Variants in RBM33 observed in about 807,000 individuals in gnomAD.
RBM33 encodes RNA-binding protein 33.
In RBM33, 28 loss-of-function variants were observed where a neutral mutation model predicts 132.6. That is an observed-to-expected ratio of 0.21 (90% CI 0.16 to 0.29). The LOEUF (loss-of-function observed/expected upper bound fraction) is 0.29, where lower values mean the gene tolerates loss of function less well. RBM33 is among the 10% of genes least tolerant of loss of function. RBM33 has a pLI of 1.00. For synonymous variants in RBM33, 634 were observed against 593.0 expected, an observed-to-expected ratio of 1.07 and a Z score of -1.01; for missense variants, 1,291 against 1,518.5, an observed-to-expected ratio of 0.85 and a Z score of 2.49.
chr7:155,651,929 A>C (rs1367568083), intron 1 of RBM33, among the ~76,000 whole-genome samples: 1 of 152,220 alleles, frequency 6.6e-6, no homozygotes, highest in Non-Finnish European at 1.5e-5. Context: ...GAGATTTTTA[A>C]AACAGTGACT....
intron 1 of RBM33, among the ~76,000 whole-genome samples, chr7:155,651,138 A>G (rs932997054): frequency 1.3e-5 from 2 of 152,192 alleles, no homozygotes; most frequent in African/African-American, 4.8e-5. Context: ...TCGGCCTCCC[A>G]AAGTGCTAGG....
At position 155,742,080 on chromosome 7, in the gene RBM33, A is replaced by G. The variant is rs760862045; in HGVS notation, c.2311A>G (p.Lys771Glu). Residue 771 changes from lysine (K) to glutamate (E), a missense_variant, in exon 13 of 18, where the codon AAA becomes GAA. Transcript: ENST00000401878. The part of the protein sequence containing the change: ...VKPASPVAQP[K>E]EEAKTETEFP... ...GCCAGCTAGCCCTGTGGCTCAACCTAAAGAAGAGGCAAAAACAGAAACAGA... is the reference window on the plus strand; with the variant it reads ...GCCAGCTAGCCCTGTGGCTCAACCTGAAGAAGAGGCAAAAACAGAAACAGA... 5.3e-5 allele frequency: 86 copies of G among 1,613,470 alleles called. No homozygotes were observed. The highest frequency in any genetic ancestry group is 6.9e-5 in the Non-Finnish European group (81 of 1,179,584).
At chr7:155,659,263 A>G (rs1003232672) in intron 1 of RBM33, among the ~76,000 whole-genome samples, 1 of 152,240 alleles carries the variant, frequency 6.6e-6, no homozygotes, top group Non-Finnish European at 1.5e-5. Context: ...AATAGAAACC[A>G]CAAGGATACC....
intron 4 of RBM33, among the ~76,000 whole-genome samples, chr7:155,679,186 A>C (rs895611297): frequency 6.6e-6 from 1 of 152,040 alleles, no homozygotes; most frequent in African/African-American, 2.4e-5. Flanking sequence ...AAAAAAAAAC[A>C]AAAAACAAAA....
In RBM33 at chr7:155,711,272, C is replaced by T. The variant is rs1183169907; in HGVS notation, c.1018C>T (p.Pro340Ser). ...QPIRSLFQPQ[P>S]LQPLLPVQHP... is the part of the protein sequence containing the mutation. ...GATCAGAAGCCTGTTCCAGCCGCAG[C>T]CGCTGCAGCCGCTGCTTCCGGTGCA... Residue 340 changes from proline to serine, a missense_variant, in exon 8 of 18, where the codon CCG becomes TCG. Physicochemically the swap from Pro to Ser is moderately conservative, Grantham distance 74. Around this residue, in one of 7 missense-constraint regions of RBM33, gnomAD observed 146 missense variants for 137.1 expected, o/e 1.07. Transcript: ENST00000401878. The T allele has an allele frequency of 1.2e-6, 2 of 1,603,612 alleles. No homozygotes were observed. Among genetic ancestry groups the T allele is most frequent in the Non-Finnish European group, 1.7e-6 (2 of 1,175,588 alleles).
intron 8 of RBM33, among the ~76,000 whole-genome samples, chr7:155,716,549 C>G (rs1800469165): frequency 6.6e-6 from 1 of 151,890 alleles, no homozygotes; most frequent in Non-Finnish European, 1.5e-5. Context: ...CTAAGTGGTA[C>G]CTATGATCGA....
At chr7:155,706,590 A>G (rs933257894) in intron 6 of RBM33, among the ~76,000 whole-genome samples, 5 of 152,158 alleles carry the variant, frequency 3.3e-5, no homozygotes, top group African/African-American at 1.2e-4. Context: ...AGCACATATC[A>G]GTGGTCTCCG....
chr7:155,733,331 A>G lies in RBM33; in HGVS notation c.1261-4199A>G, dbSNP rs77538686. 1.5e-3 allele frequency among the ~76,000 whole-genome samples: 212 copies of G among 142,210 alleles called. 5 individuals carry two copies. In the East Asian group the frequency reaches 0.04, roughly 27 times the overall value. 93.3% of individuals were successfully genotyped at this position (142,210 alleles called of 152,430 possible). ...TATTATATGGGTTGAAACTCCCCCC[A>G]CTGCGTTTTTATTATGTCGTGAATA... On this transcript the variant is annotated intron_variant, in intron 9 of 17. Coordinates refer to ENST00000401878, the MANE Select transcript of RBM33 (RefSeq NM_053043.3).
Position 155,763,988 on chromosome 7 carries a change from A to G in RBM33, c.3156A>G (p.Lys1052=). The change falls in exon 15 of 18, where the codon AAA becomes AAG. Residue 1052 remains lysine (K), a synonymous_variant. Transcript: ENST00000401878. ...HAHSPVPPGI[K]SIQGIHPAKK... is the part of the protein sequence containing the mutation. Reference sequence around the variant, plus strand: ...ACTCGCCTGTCCCTCCAGGGATCAAAAGCATCCAAGGAATTCACCCGGCGA... The same window carrying G: ...ACTCGCCTGTCCCTCCAGGGATCAAGAGCATCCAAGGAATTCACCCGGCGA... 2 of 1,575,388 alleles carry G rather than the reference A, an allele frequency of 1.3e-6. No individual in the cohort carries two copies. Among genetic ancestry groups the G allele is most frequent in the Non-Finnish European group, 1.7e-6 (2 of 1,160,706 alleles).
intron 3 of RBM33, 56 bp from the exon 4 acceptor site, chr7:155,678,552 T>G: frequency 1.7e-6 from 2 of 1,164,842 alleles, no homozygotes; most frequent in South Asian, 2.8e-5. Context: ...TTGTGCTTTT[T>G]AACAAGTCTT....
intron 5 of RBM33, among the ~76,000 whole-genome samples, chr7:155,697,198 G>A (rs115597886): frequency 0.015 from 2,280 of 152,306 alleles, 54 homozygotes; most frequent in African/African-American, 0.052. Context: ...GGAGGAGGAG[G>A]AGGAGGAGTA....
intron 6 of RBM33, 160 bp downstream of exon 6, chr7:155,701,104 T>C: frequency 3.2e-6 from 2 of 632,360 alleles, no homozygotes; most frequent in Admixed American, 2.9e-5. Flanking sequence ...TTTATGGTAC[T>C]GTAAAACTCA....
intron 3 of RBM33, among the ~76,000 whole-genome samples, chr7:155,673,408 GT>G (rs1563137126): frequency 0.041 from 5,987 of 144,872 alleles, 472 homozygotes; most frequent in African/African-American, 0.14. Context: ...TATATTGTGT[GT>G]GTGTGTGTGT....
At chr7:155,673,940 G>GTTGTTGTTTTTTTTTTTTTTTTTTT in intron 3 of RBM33, among the ~76,000 whole-genome samples, 14 of 54,194 alleles carry the variant, frequency 2.6e-4, no homozygotes, top group African/African-American at 1.1e-3. Flanking sequence ...TTTAGGCTTA[G>GTTGTTGTTTTTTTTTTTTTTTTTTT]TTTTTTTTTT....
At chr7:155,756,965 A>G (rs1801872132) in intron 14 of RBM33, among the ~76,000 whole-genome samples, 1 of 152,186 alleles carries the variant, frequency 6.6e-6, no homozygotes, top group Non-Finnish European at 1.5e-5. Flanking sequence ...ACCAAGCTGT[A>G]TTAGATGCCA....
intron 1 of RBM33, among the ~76,000 whole-genome samples, chr7:155,648,981 G>T (rs755524696): frequency 6.6e-6 from 1 of 152,156 alleles, no homozygotes; most frequent in Non-Finnish European, 1.5e-5. Context: ...GTGTTTCTGT[G>T]TGGGTCTCCA....
chr7:155,779,718 TCA>T lies in RBM33; in HGVS notation c.*4682_*4683del, dbSNP rs1458872338. The stretch of plus-strand genomic sequence containing the variant: ...ATATGGCTGGAAAAGGCCGTTTGCC[TCA>T]CACATTGTAACCTGCCTTGGCTAGA... On this transcript the variant is annotated 3_prime_UTR_variant, in exon 18 of 18. Transcript: ENST00000401878. 6.6e-6 allele frequency: 1 copy of T among 152,244 alleles called. No individual in the cohort carries two copies. Among genetic ancestry groups the T allele is most frequent in the South Asian group, 2.1e-4 (1 of 4,836 alleles). The allele number at this position is 152,244 out of a possible 1,614,324, so 9.4% of individuals were successfully genotyped here.
At chr7:155,747,117 T>C (rs1707566284) in intron 14 of RBM33, among the ~76,000 whole-genome samples, 1 of 152,224 alleles carries the variant, frequency 6.6e-6, no homozygotes, top group Admixed American at 6.5e-5. Context: ...ATATGTAGAC[T>C]ATCCAGTAGG....
chr7:155,747,883 C>T (rs1801567849), intron 14 of RBM33, among the ~76,000 whole-genome samples: 2 of 152,182 alleles, frequency 1.3e-5, no homozygotes, highest in African/African-American at 4.8e-5. Flanking sequence ...TGGGTGAGGA[C>T]TATTTTTGAG....
Sources: gnomAD v4.1 joint callset for allele counts (sites outside exome capture counted in the v4.1 genomes callset) on GRCh38, gnomAD v4.1.1 for gene constraint, gnomAD v4.1.1 regional missense constraint, MANE v1.5 for transcripts, NCBI Gene and HGNC (gene_info 2026-07-23, HGNC 2026-07-21) for gene names.